PDGFA: variants seen among roughly 807,000 people sequenced by gnomAD.
PDGFA encodes platelet derived growth factor subunit A, also known as platelet-derived growth factor subunit A.
In PDGFA, 9 loss-of-function variants were observed where a neutral mutation model predicts 25.6. The ratio of observed to expected loss-of-function variants is 0.35; its 90% CI spans 0.21 to 0.61. The LOEUF (loss-of-function observed/expected upper bound fraction) is 0.61. PDGFA is among the 20% of genes least tolerant of loss of function. The pLI, the probability that PDGFA is intolerant of heterozygous loss-of-function variation, is 0.75. For missense variants in PDGFA, 242 were observed against 272.8 expected (o/e 0.89, Z 0.79); for synonymous variants, 133 against 111.8 (o/e 1.19, Z -1.20).
rs1440158857 is a variant in PDGFA at position 500,262 on chromosome 7, A to C, written c.580+854T>G. ...CACGGGCCAGGGCGTTCTGCGAGGCAGGAGCGGACGGGGAGCAAGGAGACC... is the reference window on the plus strand; with the variant it reads ...CACGGGCCAGGGCGTTCTGCGAGGCCGGAGCGGACGGGGAGCAAGGAGACC... On this transcript the variant is annotated intron_variant, in intron 5 of 5. Coordinates refer to ENST00000402802, the Ensembl canonical transcript of PDGFA. The surrounding 1 kb of genome is among the most constrained non-coding windows in gnomAD (Gnocchi z 5.0). Among the ~76,000 whole-genome samples, 4 of 152,214 alleles carry C rather than the reference A, an allele frequency of 2.6e-5. No individual in the cohort carries two copies. Among genetic ancestry groups the C allele is most frequent in the Non-Finnish European group, 5.9e-5 (4 of 68,036 alleles).
At chr7:515,552 C>G (rs1783050658) in intron 2 of PDGFA, among the ~76,000 whole-genome samples, 1 of 152,084 alleles carries the variant, frequency 6.6e-6, no homozygotes, top group African/African-American at 2.4e-5. Context: ...AGGTCCCCCA[C>G]CAGGGGCAAG....
At position 517,537 on chromosome 7, in the gene PDGFA, C is replaced by A; in HGVS notation, c.64-47G>T. ...TCAGCGCCCGCGGCCCCGACCCCGC[C>A]GGCACGCGCCCCCGGCCGCCAGGAG... On this transcript the variant is annotated intron_variant, in intron 1 of 5. Coordinates refer to ENST00000402802, the Ensembl canonical transcript of PDGFA. The surrounding 1 kb of genome is among the most constrained non-coding windows in gnomAD (Gnocchi z 7.4). 10 of 904,258 alleles carry A rather than the reference C, an allele frequency of 1.1e-5. No homozygotes were observed. Among genetic ancestry groups the A allele is most frequent in the Non-Finnish European group, 1.4e-5 (10 of 715,120 alleles). The allele number at this position is 904,258 out of a possible 1,614,324, so 56.0% of individuals were successfully genotyped here.
At chr7:518,385 C>T (rs1783205015) in intron 1 of PDGFA, 2 of 152,858 alleles carry the variant, frequency 1.3e-5, no homozygotes, top group Admixed American at 1.3e-4. Flanking sequence ...GGTGCGGACG[C>T]CTGGCCCAGC....
chr7:499,852 G>T (rs922148835), intron 5 of PDGFA, among the ~76,000 whole-genome samples: 18 of 151,870 alleles, frequency 1.2e-4, no homozygotes, highest in African/African-American at 3.6e-4. Context: ...GGACACTGAT[G>T]ATACCTCAAG....
chr7:516,784 G>A (rs1439035947), intron 2 of PDGFA, among the ~76,000 whole-genome samples: 1 of 152,228 alleles, frequency 6.6e-6, no homozygotes, highest in Non-Finnish European at 1.5e-5. Context: ...CAGGGCCCGA[G>A]GGTGAGCCGC....
intron 2 of PDGFA, among the ~76,000 whole-genome samples, chr7:513,716 C>T (rs937872356): frequency 6.6e-6 from 1 of 152,156 alleles, no homozygotes; most frequent in Admixed American, 6.5e-5. Flanking sequence ...CCCAGCCCAT[C>T]GAGGCATCCG....
intron 2 of PDGFA, among the ~76,000 whole-genome samples, chr7:514,368 TG>T (rs1176146395): frequency 6.6e-6 from 1 of 152,132 alleles, no homozygotes; most frequent in African/African-American, 2.4e-5. Context: ...CCAGAAAGCC[TG>T]AGCTGGCAAA....
In PDGFA at chr7:500,569, A is replaced by C. The variant is rs1782286089; in HGVS notation, c.580+547T>G. Reference sequence around the variant, plus strand: ...GTCGGGGTGAAGAACTGAAGCAACAAATACCTACGGCATTTGTTTATCTTT... The same window carrying C: ...GTCGGGGTGAAGAACTGAAGCAACACATACCTACGGCATTTGTTTATCTTT... On this transcript the variant is annotated intron_variant, in intron 5 of 5. Coordinates refer to ENST00000402802, the Ensembl canonical transcript of PDGFA. The surrounding 1 kb of genome is among the most constrained non-coding windows in gnomAD (Gnocchi z 5.0). The C allele has an allele frequency of 6.2e-7, 1 of 1,610,926 alleles. No homozygotes were observed. The highest frequency in any genetic ancestry group is 8.5e-7 in the Non-Finnish European group (1 of 1,179,248).
Position 509,946 on chromosome 7 carries a change from CCTT to C in PDGFA, c.453+860_453+862del, listed in dbSNP as rs112777523. ...TGGCCTCGAGCCCACCCCAAGCACT[CCTT>C]CTCCTTCTCCTGGGCTGCTTTAGGG... On this transcript the variant is annotated intron_variant, in intron 4 of 5. Coordinates refer to ENST00000402802, the Ensembl canonical transcript of PDGFA. Among the ~76,000 whole-genome samples the C allele has an allele frequency of 3.8e-3, 581 of 152,298 alleles. 2 individuals are homozygous for C. Among genetic ancestry groups the C allele is most frequent in the African/African-American group, 0.013 (539 of 41,562 alleles).
chr7:504,587 C>G (rs1782479808), intron 4 of PDGFA, among the ~76,000 whole-genome samples: 1 of 152,142 alleles, frequency 6.6e-6, no homozygotes, highest in Non-Finnish European at 1.5e-5. Flanking sequence ...TCGAAGCACC[C>G]ATACTCTGCT....
intron 4 of PDGFA, among the ~76,000 whole-genome samples, chr7:501,963 G>A (rs1382044071): frequency 6.6e-6 from 1 of 152,148 alleles, no homozygotes; most frequent in Admixed American, 6.5e-5. Context: ...GGTGGCTCAC[G>A]CCTGTAATCC....
In PDGFA at chr7:517,480, A is replaced by C; in HGVS notation, c.74T>G (p.Ile25Ser). The stretch of plus-strand genomic sequence containing the variant: ...CAGCCTCTCGATCACCTCGCGGGGG[A>C]TCTCGGCTTCCTGCAAGCAGAGGCC... Residue 25 changes from isoleucine (I) to serine (S), a missense_variant, in exon 2 of 6, where the codon ATC becomes AGC. By Grantham distance (142) the Ile-to-Ser change is moderately radical. Coordinates refer to ENST00000402802, the Ensembl canonical transcript of PDGFA. This position sits in a 1 kb window ranked among gnomAD's most constrained non-coding sequence, Gnocchi z 7.4. 2.3e-6 allele frequency: 3 copies of C among 1,330,182 alleles called. No homozygotes were observed. The highest frequency in any genetic ancestry group is 1.9e-6 in the Non-Finnish European group (2 of 1,025,672). 82.4% of individuals were successfully genotyped at this position (1,330,182 alleles called of 1,614,324 possible). A position where few individuals can be genotyped will look rare whatever the true frequency, so the allele number is the denominator to read the frequency against.
At chr7:516,965 G>A (rs1437675266) in intron 2 of PDGFA, among the ~76,000 whole-genome samples, 1 of 151,544 alleles carries the variant, frequency 6.6e-6, no homozygotes, top group Non-Finnish European at 1.5e-5. Flanking sequence ...GCCTCCGCCC[G>A]CCCGCCCGTC....
Position 517,542 on chromosome 7 carries a change from C to T in PDGFA, c.64-52G>A, listed in dbSNP as rs532486013. The T allele has an allele frequency of 3.1e-5, 27 of 867,418 alleles. No homozygotes were observed. The South Asian group carries it at 8.2e-4, about 26-fold the overall frequency. The allele number at this position is 867,418 out of a possible 1,614,324, so 53.7% of individuals were successfully genotyped here. ...GCCCGCGGCCCCGACCCCGCCGGCA[C>T]GCGCCCCCGGCCGCCAGGAGCGCCG... On this transcript the variant is annotated intron_variant, in intron 1 of 5. Transcript: ENST00000402802. The surrounding 1 kb of genome is among the most constrained non-coding windows in gnomAD (Gnocchi z 7.4).
In PDGFA at chr7:510,663, G is replaced by C. The variant is rs1782768210; in HGVS notation, c.453+146C>G. On this transcript the variant is annotated intron_variant, in intron 4 of 5. Coordinates refer to ENST00000402802, the Ensembl canonical transcript of PDGFA. ...CTTGACGCTGTGGTGGTGGATGCAG[G>C]AGGGACCCTGGCTGCTTGGTAGGGG... 1.5e-5 allele frequency: 7 copies of C among 453,358 alleles called. No individual in the cohort carries two copies. In the East Asian group the frequency reaches 2.8e-4, roughly 18 times the overall value. 28.1% of individuals were successfully genotyped at this position (453,358 alleles called of 1,614,324 possible).
intron 4 of PDGFA, among the ~76,000 whole-genome samples, chr7:506,346 G>C (rs545465431): frequency 6.6e-6 from 1 of 152,038 alleles, no homozygotes; most frequent in Admixed American, 6.5e-5. Context: ...AAGAATGGAA[G>C]CAATGCCCAG....
intron 2 of PDGFA, among the ~76,000 whole-genome samples, chr7:514,910 G>A (rs540951172): frequency 6.6e-5 from 10 of 152,246 alleles, no homozygotes; most frequent in Non-Finnish European, 8.8e-5. Flanking sequence ...TGGGCTCCGG[G>A]AGGATGGTGA....
chr7:517,729 G>GCC lies in PDGFA; in HGVS notation c.64-241_64-240dup, dbSNP rs575457977. Among the ~76,000 whole-genome samples the GCC allele has an allele frequency of 3.2e-4, 46 of 145,200 alleles. No homozygotes were observed. The highest frequency in any genetic ancestry group is 9.7e-4 in the African/African-American group (38 of 39,138). ...ATGTTCCGCCCTTTGCAAAATCAAA[G>GCC]CCCCCCCCCCTTTATATTTTCAGAC... On this transcript the variant is annotated intron_variant, in intron 1 of 5. Coordinates refer to ENST00000402802, the Ensembl canonical transcript of PDGFA. This position sits in a 1 kb window ranked among gnomAD's most constrained non-coding sequence, Gnocchi z 7.4.
chr7:507,152 C>T (rs1442877173), intron 4 of PDGFA, among the ~76,000 whole-genome samples: 2 of 152,248 alleles, frequency 1.3e-5, no homozygotes, highest in Admixed American at 6.5e-5. Flanking sequence ...CCTTTGTCCC[C>T]TCAGCCAAAG....
Sources: allele counts gnomAD v4.1 joint callset (sites outside exome capture counted in the v4.1 genomes callset), GRCh38; gene constraint gnomAD v4.1.1; non-coding constraint Gnocchi (gnomAD v3.1); transcripts MANE v1.5; gene names NCBI Gene and HGNC (gene_info 2026-07-23, HGNC 2026-07-21).